The following ZNF609 variants were observed in gnomAD, a reference collection of about 807,000 sequenced individuals.
The protein encoded by ZNF609 is zinc finger protein 609.
In ZNF609, 11 loss-of-function variants were observed where a neutral mutation model predicts 109.5. That is an observed-to-expected ratio of 0.10 (90% CI 0.06 to 0.17). The LOEUF is 0.17. ZNF609 is among the 10% of genes least tolerant of loss of function. The pLI is 1.00. For synonymous variants in ZNF609, 646 were observed against 662.0 expected, an observed-to-expected ratio of 0.98 and a Z score of 0.37; for missense variants, 1,559 against 1,772.4, an observed-to-expected ratio of 0.88 and a Z score of 2.16.
intron 2 of ZNF609, among the ~76,000 whole-genome samples, chr15:64,565,250 T>TTATTATTATTATTATTATTATTATTAC (rs1444463932): frequency 1.4e-5 from 2 of 147,892 alleles, no homozygotes; most frequent in African/African-American, 4.9e-5. Flanking sequence ...ATTATTATTA[T>TTATTATTATTATTATTATTATTATTAC]TACTATTTTT....
At chr15:64,650,207 C>T (rs927938473) in intron 3 of ZNF609, among the ~76,000 whole-genome samples, 2 of 150,928 alleles carry the variant, frequency 1.3e-5, no homozygotes, top group Non-Finnish European at 2.9e-5. Context: ...AGTTCGGGAC[C>T]AGCCTGGGCA....
At chr15:64,576,399 C>A (rs1000211582) in intron 2 of ZNF609, among the ~76,000 whole-genome samples, 1 of 151,446 alleles carries the variant, frequency 6.6e-6, no homozygotes, top group African/African-American at 2.4e-5. Context: ...TAGTCATGTG[C>A]TTCTTAGTTA....
chr15:64,528,373 T>A (rs537886895), intron 2 of ZNF609, among the ~76,000 whole-genome samples: 2 of 150,700 alleles, frequency 1.3e-5, no homozygotes, highest in Non-Finnish European at 3.0e-5. Context: ...GTGGGGGTTT[T>A]AAAAAAATTT....
chr15:64,500,419 G>A (rs747917933), intron 2 of ZNF609: 146 of 709,692 alleles, frequency 2.1e-4, no homozygotes, highest in Non-Finnish European at 3.0e-4. Context: ...TTTGTAGAAT[G>A]AACTTTCTGT....
chr15:64,571,100 A>G (rs1460774192), intron 2 of ZNF609, among the ~76,000 whole-genome samples: 1 of 152,232 alleles, frequency 6.6e-6, no homozygotes, highest in African/African-American at 2.4e-5. Flanking sequence ...TGCTGATGCT[A>G]GACGTAAGAG....
chr15:64,642,385 G>A (rs965313002), intron 3 of ZNF609, among the ~76,000 whole-genome samples: 3 of 151,892 alleles, frequency 2.0e-5, no homozygotes, highest in South Asian at 4.1e-4. Flanking sequence ...AGGTCTCGCT[G>A]TGTTGACCAG....
chr15:64,601,077 C>G (rs1477379135), intron 2 of ZNF609, among the ~76,000 whole-genome samples: 1 of 152,174 alleles, frequency 6.6e-6, no homozygotes, highest in Non-Finnish European at 1.5e-5. Context: ...AACAGGTTGC[C>G]AAGTCCTGTG....
At chr15:64,635,074 C>T (rs1472631349) in intron 3 of ZNF609, among the ~76,000 whole-genome samples, 1 of 152,058 alleles carries the variant, frequency 6.6e-6, no homozygotes, top group Non-Finnish European at 1.5e-5. Context: ...TTGCAAATGG[C>T]AAAATAGACT....
chr15:64,654,969 G>A lies in ZNF609; in HGVS notation c.974-15377G>A, dbSNP rs149683299. 5.9e-3 allele frequency among the ~76,000 whole-genome samples: 896 copies of A among 151,942 alleles called. 6 individuals carry two copies. The highest frequency in any genetic ancestry group is 0.019 in the African/African-American group (771 of 41,446). The stretch of plus-strand genomic sequence containing the variant: ...CAATTAGCTGAGCGTGGTGATGGGC[G>A]CCTGTAATCCCAGCTACTCGGGAGG... On this transcript the variant is annotated intron_variant, in intron 3 of 9. Coordinates refer to ENST00000326648, the MANE Select transcript of ZNF609 (RefSeq NM_015042.2).
intron 3 of ZNF609, among the ~76,000 whole-genome samples, chr15:64,632,117 A>G (rs1175443002): frequency 6.6e-6 from 1 of 152,114 alleles, no homozygotes; most frequent in Non-Finnish European, 1.5e-5. Context: ...CAGTGGCACG[A>G]TCATGGCTCA....
chr15:64,565,785 T>A (rs1462317779), intron 2 of ZNF609, among the ~76,000 whole-genome samples: 3 of 152,220 alleles, frequency 2.0e-5, no homozygotes, highest in Non-Finnish European at 4.4e-5. Flanking sequence ...AGTGAGTACT[T>A]ACTTTACACT....
At chr15:64,510,473 T>A (rs1595703073) in intron 2 of ZNF609, among the ~76,000 whole-genome samples, 1 of 152,266 alleles carries the variant, frequency 6.6e-6, no homozygotes, top group East Asian at 1.9e-4. Context: ...CCCAAAGTGC[T>A]GGGATTACAG....
At chr15:64,514,840 C>T (rs1893783681) in intron 2 of ZNF609, among the ~76,000 whole-genome samples, 1 of 152,072 alleles carries the variant, frequency 6.6e-6, no homozygotes, top group Non-Finnish European at 1.5e-5. Flanking sequence ...GTTTCACCCA[C>T]ACTTGAGGCT....
At chr15:64,593,386 T>C (rs1895336173) in intron 2 of ZNF609, 2 of 823,528 alleles carry the variant, frequency 2.4e-6, no homozygotes, top group Non-Finnish European at 4.1e-6. Context: ...AAAATGGAAA[T>C]TGTACTTAAA....
intron 1 of ZNF609, chr15:64,471,322 CT>C (rs1295643833): frequency 6.6e-6 from 1 of 151,682 alleles, no homozygotes; most frequent in Non-Finnish European, 1.5e-5. Flanking sequence ...GATTGCCCCC[CT>C]GTACTCTAGC....
intron 2 of ZNF609, among the ~76,000 whole-genome samples, chr15:64,536,728 C>G (rs1795504705): frequency 6.7e-6 from 1 of 148,486 alleles, no homozygotes; most frequent in African/African-American, 2.5e-5. Flanking sequence ...ATTCCACCCC[C>G]CCCCCCAAAA....
intron 1 of ZNF609, among the ~76,000 whole-genome samples, chr15:64,473,614 C>CT (rs920786666): frequency 2.0e-4 from 30 of 147,818 alleles, no homozygotes; most frequent in African/African-American, 4.7e-4. Flanking sequence ...TAGCCTTTTT[C>CT]TTTTTTTTTG....
At chr15:64,487,467 T>C (rs1233887512) in intron 1 of ZNF609, among the ~76,000 whole-genome samples, 1 of 152,208 alleles carries the variant, frequency 6.6e-6, no homozygotes, top group Non-Finnish European at 1.5e-5. Context: ...TATACAGATA[T>C]GTAACCACTA....
In ZNF609 at chr15:64,682,255, TA is replaced by T. The variant is rs2083214468; in HGVS notation, c.*571del. 2 of 152,638 alleles carry T rather than the reference TA, an allele frequency of 1.3e-5. No homozygotes were observed. Among genetic ancestry groups the T allele is most frequent in the African/African-American group, 4.8e-5 (2 of 41,458 alleles). 9.5% of individuals were successfully genotyped at this position (152,638 alleles called of 1,614,324 possible). On this transcript the variant is annotated 3_prime_UTR_variant, in exon 10 of 10. Transcript: ENST00000326648. ...AAGAAATTGGGGGTTGTTTTCTACA[TA>T]ATTGTGAAAACAAGGTCTTCAAATG...
Sources: allele counts gnomAD v4.1 joint callset (sites outside exome capture counted in the v4.1 genomes callset), GRCh38; gene constraint gnomAD v4.1.1; transcripts MANE v1.5; gene names NCBI Gene and HGNC (gene_info 2026-07-23, HGNC 2026-07-21).